The following TMEM132B variants were observed in gnomAD, a reference collection of about 807,000 sequenced individuals.
TMEM132B encodes the protein transmembrane protein 132B.
Under a neutral mutation model 90.8 loss-of-function variants are expected in TMEM132B, and 18 were observed. That is an observed-to-expected ratio of 0.20 (90% CI 0.14 to 0.29). The LOEUF is 0.29. Ranked by LOEUF, TMEM132B falls within the 10% of genes least tolerant of loss-of-function variation. The pLI is 1.00. For synonymous variants in TMEM132B, 504 were observed against 523.3 expected (o/e 0.96, Z 0.50); for missense variants, 1,096 against 1,326.8 (o/e 0.83, Z 2.70).
At position 125,557,259 on chromosome 12, in the gene TMEM132B, G is replaced by A. The variant is rs113267029; in HGVS notation, c.1294-26592G>A. On this transcript the variant is annotated intron_variant, in intron 4 of 8. Transcript: ENST00000682704. ...GCCTCCCTTGCACTTATTACCCAGA[G>A]TTGAACTACATGCCGGCCCCTGGAT... 4.0e-3 allele frequency among the ~76,000 whole-genome samples: 612 copies of A among 152,114 alleles called. 4 individuals carry two copies. The highest frequency in any genetic ancestry group is 9.2e-3 in the South Asian group (44 of 4,788).
chr12:125,590,440 T>A (rs77881699), intron 5 of TMEM132B, among the ~76,000 whole-genome samples: 2,931 of 152,348 alleles, frequency 0.019, 37 homozygotes, highest in Non-Finnish European at 0.031. Context: ...CAAGATACTA[T>A]GCACAAATGG....
chr12:125,485,777 G>C (rs1882185463), intron 3 of TMEM132B, among the ~76,000 whole-genome samples: 1 of 152,198 alleles, frequency 6.6e-6, no homozygotes, highest in South Asian at 2.1e-4. Context: ...TGGACTGAAA[G>C]TAAATACTCT....
intron 1 of TMEM132B, among the ~76,000 whole-genome samples, chr12:125,224,019 C>G (rs753929679): frequency 2.0e-5 from 3 of 152,176 alleles, no homozygotes; most frequent in African/African-American, 7.2e-5. Context: ...TCAGTTGATC[C>G]GCCTGCCTCA....
chr12:125,616,435 C>G (rs1885988374), intron 5 of TMEM132B, among the ~76,000 whole-genome samples: 1 of 152,088 alleles, frequency 6.6e-6, no homozygotes, highest in Non-Finnish European at 1.5e-5. Context: ...GCTGAAACCC[C>G]ACAAGGAGCA....
At position 125,658,614 on chromosome 12, in the gene TMEM132B, G is replaced by A. The variant is rs1887130165; in HGVS notation, c.*3904G>A. The A allele has an allele frequency of 6.6e-6, 1 of 152,220 alleles. No individual in the cohort carries two copies. Among genetic ancestry groups the A allele is most frequent in the Non-Finnish European group, 1.5e-5 (1 of 68,034 alleles). The allele number at this position is 152,220 out of a possible 1,614,324, so 9.4% of individuals were successfully genotyped here. A position where few individuals can be genotyped will look rare whatever the true frequency, so the allele number is the denominator to read the frequency against. Reference sequence around the variant, plus strand: ...ATGCATATCACCTGTCATGTAAAGGGACGGTATGGATGGTGGAAAAGTTAT... The same window carrying A: ...ATGCATATCACCTGTCATGTAAAGGAACGGTATGGATGGTGGAAAAGTTAT... On this transcript the variant is annotated 3_prime_UTR_variant, in exon 9 of 9. Transcript: ENST00000682704.
chr12:125,230,482 AT>A (rs1248608595), intron 1 of TMEM132B, among the ~76,000 whole-genome samples: 3 of 149,760 alleles, frequency 2.0e-5, no homozygotes, highest in Admixed American at 1.3e-4. Context: ...TTTTTTTCTC[AT>A]TTTTTTATTT....
At chr12:125,212,013 G>T (rs907779557) in intron 1 of TMEM132B, among the ~76,000 whole-genome samples, 6 of 152,224 alleles carry the variant, frequency 3.9e-5, no homozygotes, top group Non-Finnish European at 8.8e-5. Context: ...AGAATGTGTG[G>T]ATTTGGTCAC....
intron 1 of TMEM132B, among the ~76,000 whole-genome samples, chr12:125,252,972 C>T (rs549352128): frequency 3.9e-5 from 6 of 152,194 alleles, no homozygotes; most frequent in Non-Finnish European, 8.8e-5. Context: ...AAGACGAAAA[C>T]AACTTTAAAA....
intron 1 of TMEM132B, among the ~76,000 whole-genome samples, chr12:125,338,532 TG>T (rs1877054404): frequency 6.6e-6 from 1 of 152,178 alleles, no homozygotes; most frequent in Non-Finnish European, 1.5e-5. Context: ...CTGCCTGGAG[TG>T]GGTGTCTCAT....
At chr12:125,335,051 C>T (rs1050322006) in intron 1 of TMEM132B, among the ~76,000 whole-genome samples, 3 of 152,120 alleles carry the variant, frequency 2.0e-5, no homozygotes, top group Admixed American at 6.5e-5. Context: ...AGCCGTTCAG[C>T]GAATGTTGGT....
intron 2 of TMEM132B, among the ~76,000 whole-genome samples, chr12:125,351,503 C>A (rs1877581552): frequency 6.6e-6 from 1 of 152,000 alleles, no homozygotes; most frequent in Non-Finnish European, 1.5e-5. Context: ...CAAAGTCCAG[C>A]CAAGAGACTG....
Position 125,246,698 on chromosome 12 carries a change from T to C in TMEM132B, c.67+59832T>C, listed in dbSNP as rs566534395. Among the ~76,000 whole-genome samples the C allele has an allele frequency of 1.1e-4, 17 of 152,342 alleles. No homozygotes were observed. The highest frequency in any genetic ancestry group is 3.8e-4 in the African/African-American group (16 of 41,582). ...ACTGATTTTTCCATTTCGGGCTCTTTTGTGAAGTGCTTTGATTCTTAAATC... is the reference window on the plus strand; with the variant it reads ...ACTGATTTTTCCATTTCGGGCTCTTCTGTGAAGTGCTTTGATTCTTAAATC... On this transcript the variant is annotated intron_variant, in intron 1 of 8. Coordinates refer to ENST00000682704, the MANE Select transcript of TMEM132B (RefSeq NM_001366854.1). This position sits in a 1 kb window ranked among gnomAD's most constrained non-coding sequence, Gnocchi z 4.2.
At chr12:125,289,533 C>A (rs1156483203) in intron 1 of TMEM132B, among the ~76,000 whole-genome samples, 2 of 152,182 alleles carry the variant, frequency 1.3e-5, no homozygotes, top group Non-Finnish European at 2.9e-5. Context: ...TCTACCCACC[C>A]CTGTATTTGG....
intron 1 of TMEM132B, among the ~76,000 whole-genome samples, chr12:125,296,151 G>C (rs1243061114): frequency 6.6e-6 from 1 of 152,158 alleles, no homozygotes; most frequent in Admixed American, 6.5e-5. Flanking sequence ...ATCTCATTCC[G>C]ATAAAAGCCG....
chr12:125,336,788 T>G (rs906152040), intron 1 of TMEM132B, among the ~76,000 whole-genome samples: 5 of 152,228 alleles, frequency 3.3e-5, no homozygotes, highest in African/African-American at 1.2e-4. Flanking sequence ...TAAATCCAAC[T>G]GATGGCAGAC....
chr12:125,420,425 A>C (rs1225844854), intron 3 of TMEM132B, among the ~76,000 whole-genome samples: 1 of 152,214 alleles, frequency 6.6e-6, no homozygotes, highest in African/African-American at 2.4e-5. Context: ...CACCCTCTGA[A>C]GCCATGATCC....
chr12:125,423,092 C>T (rs1240516898), intron 3 of TMEM132B, among the ~76,000 whole-genome samples: 1 of 152,182 alleles, frequency 6.6e-6, no homozygotes, highest in African/African-American at 2.4e-5. Flanking sequence ...AGGCTACAAG[C>T]ATTGGCCTTT....
intron 1 of TMEM132B, among the ~76,000 whole-genome samples, chr12:125,313,447 C>T (rs1333792920): frequency 6.6e-6 from 1 of 150,714 alleles, no homozygotes; most frequent in African/African-American, 2.4e-5. Context: ...TCTTCCCTTC[C>T]TTCCTCCCTT....
chr12:125,570,950 A>C (rs894835115), intron 4 of TMEM132B, among the ~76,000 whole-genome samples: 2 of 152,184 alleles, frequency 1.3e-5, no homozygotes, highest in African/African-American at 4.8e-5. Context: ...AACACACTGG[A>C]AGTCACACGT....
Sources: allele counts gnomAD v4.1 joint callset (sites outside exome capture counted in the v4.1 genomes callset), GRCh38; gene constraint gnomAD v4.1.1; non-coding constraint Gnocchi (gnomAD v3.1); transcripts MANE v1.5; gene names NCBI Gene and HGNC (gene_info 2026-07-23, HGNC 2026-07-21).